Variants in TRPC4 observed in about 807,000 individuals in gnomAD.
TRPC4 encodes the protein transient receptor potential cation channel subfamily C member 4, also known as short transient receptor potential channel 4.
TRPC4 carries 49 observed loss-of-function variants against 99.4 expected under a neutral mutation model. That is an observed-to-expected ratio of 0.49 (90% confidence interval 0.39 to 0.63). TRPC4 has a LOEUF of 0.63. TRPC4 is among the 20% of genes least tolerant of loss of function. The pLI is 0.00. For synonymous variants in TRPC4, 454 were observed against 425.9 expected (o/e 1.07, Z -0.81); for missense variants, 898 against 1,152.9 (o/e 0.78, Z 3.20).
At chr13:37,642,927 T>G (rs530524383) in intron 8 of TRPC4, among the ~76,000 whole-genome samples, 4 of 152,144 alleles carry the variant, frequency 2.6e-5, no homozygotes, top group African/African-American at 9.6e-5. Context: ...GACGGGGGTT[T>G]CACCATGTTG....
intron 1 of TRPC4, among the ~76,000 whole-genome samples, chr13:37,818,550 C>T (rs893372224): frequency 1.3e-5 from 2 of 152,052 alleles, no homozygotes; most frequent in African/African-American, 4.8e-5. Context: ...TGGAACCAAC[C>T]CAAATGCTCA....
chr13:37,740,448 T>C (rs1451569019), intron 3 of TRPC4, among the ~76,000 whole-genome samples: 3 of 152,200 alleles, frequency 2.0e-5, no homozygotes, highest in Non-Finnish European at 4.4e-5. Context: ...GTTGGAGTGA[T>C]ACACTTATCA....
At chr13:37,791,627 T>C (rs1957122725) in intron 1 of TRPC4, among the ~76,000 whole-genome samples, 1 of 151,980 alleles carries the variant, frequency 6.6e-6, no homozygotes, top group Non-Finnish European at 1.5e-5. Flanking sequence ...TATGATCCAG[T>C]GGAAGGAACC....
chr13:37,681,842 T>C (rs1953250445), intron 4 of TRPC4, among the ~76,000 whole-genome samples: 1 of 152,172 alleles, frequency 6.6e-6, no homozygotes, highest in Non-Finnish European at 1.5e-5. Context: ...TTACAAGCAT[T>C]GATGTCAAGA....
At chr13:37,698,641 A>G (rs1048938517) in intron 3 of TRPC4, among the ~76,000 whole-genome samples, 4 of 152,164 alleles carry the variant, frequency 2.6e-5, no homozygotes, top group Non-Finnish European at 5.9e-5. Context: ...CAGATATTCT[A>G]TGGTGTAGTT....
intron 3 of TRPC4, 89 bp downstream of exon 3, chr13:37,745,848 A>C: frequency 5.4e-5 from 79 of 1,472,048 alleles, no homozygotes; most frequent in Non-Finnish European, 6.5e-5. Flanking sequence ...AAATGCTCTA[A>C]AACCCAAAAC....
chr13:37,813,273 T>C (rs1957754713), intron 1 of TRPC4, among the ~76,000 whole-genome samples: 2 of 151,856 alleles, frequency 1.3e-5, no homozygotes, highest in African/African-American at 4.8e-5. Context: ...CAAGGAAATT[T>C]ATATTTGTGA....
At chr13:37,748,448 A>G (rs1484949915) in intron 2 of TRPC4, among the ~76,000 whole-genome samples, 1 of 152,198 alleles carries the variant, frequency 6.6e-6, no homozygotes, top group East Asian at 1.9e-4. Context: ...AAAAATAAGT[A>G]TAATATATCC....
chr13:37,815,492 T>C (rs905126441), intron 1 of TRPC4, among the ~76,000 whole-genome samples: 1 of 151,638 alleles, frequency 6.6e-6, no homozygotes, highest in African/African-American at 2.4e-5. Context: ...AAAACAGACT[T>C]TAAACGACAG....
At chr13:37,717,180 T>C (rs1464455741) in intron 3 of TRPC4, among the ~76,000 whole-genome samples, 1 of 152,194 alleles carries the variant, frequency 6.6e-6, no homozygotes, top group East Asian at 1.9e-4. Flanking sequence ...AATTTAATGA[T>C]ATAATTCTCA....
At chr13:37,857,709 C>T (rs2139702806) in intron 1 of TRPC4, among the ~76,000 whole-genome samples, 1 of 151,708 alleles carries the variant, frequency 6.6e-6, no homozygotes, top group East Asian at 1.9e-4. Flanking sequence ...ACTGGATATC[C>T]ATATGCAGAA....
At chr13:37,837,643 C>T (rs1054344760) in intron 1 of TRPC4, among the ~76,000 whole-genome samples, 14 of 152,188 alleles carry the variant, frequency 9.2e-5, no homozygotes, top group African/African-American at 3.4e-4. Flanking sequence ...AACTAAGCTG[C>T]TTTTGATTTT....
chr13:37,674,148 T>C, intron 5 of TRPC4, 80 bp downstream of exon 5: 1 of 1,328,136 alleles, frequency 7.5e-7, no homozygotes, highest in South Asian at 1.9e-5. Flanking sequence ...GGTAACTTTA[T>C]TAATAAAATT....
At chr13:37,823,978 G>C (rs1174606771) in intron 1 of TRPC4, among the ~76,000 whole-genome samples, 2 of 140,482 alleles carry the variant, frequency 1.4e-5, no homozygotes, top group African/African-American at 5.4e-5. Context: ...TCCTTGAAGA[G>C]GTCCTTCACA....
chr13:37,735,393 G>A (rs1405823344), intron 3 of TRPC4, among the ~76,000 whole-genome samples: 7 of 152,086 alleles, frequency 4.6e-5, no homozygotes, highest in East Asian at 1.9e-4. Flanking sequence ...TGTTAAGGCC[G>A]CAACTCTAAA....
At chr13:37,788,705 C>A (rs1270615683) in intron 1 of TRPC4, among the ~76,000 whole-genome samples, 2 of 152,012 alleles carry the variant, frequency 1.3e-5, no homozygotes, top group Admixed American at 1.3e-4. Context: ...ATCTATCACT[C>A]TCCCTATTCT....
chr13:37,690,338 A>G (rs1289020601), intron 4 of TRPC4, among the ~76,000 whole-genome samples: 1 of 152,110 alleles, frequency 6.6e-6, no homozygotes, highest in Non-Finnish European at 1.5e-5. Flanking sequence ...TTTTTGAGGC[A>G]GAGTCTCACT....
intron 1 of TRPC4, among the ~76,000 whole-genome samples, chr13:37,790,753 C>G (rs762711535): frequency 6.6e-6 from 1 of 152,088 alleles, no homozygotes; most frequent in Non-Finnish European, 1.5e-5. Context: ...ATTATCCTCC[C>G]CCCTTTGGTG....
At chr13:37,686,281 C>T (rs900019250) in intron 4 of TRPC4, among the ~76,000 whole-genome samples, 5 of 151,694 alleles carry the variant, frequency 3.3e-5, no homozygotes, top group South Asian at 2.1e-4. Context: ...CGCACACACA[C>T]GTATATATAC....
Sources: gnomAD v4.1 joint callset for allele counts (sites outside exome capture counted in the v4.1 genomes callset) on GRCh38, gnomAD v4.1.1 for gene constraint, MANE v1.5 for transcripts, NCBI Gene and HGNC (gene_info 2026-07-23, HGNC 2026-07-21) for gene names.